Variants in NCKAP5 observed in about 807,000 individuals in gnomAD.
The protein encoded by NCKAP5 is NCK associated protein 5.
NCKAP5 carries 92 observed loss-of-function variants against 167.0 expected under a neutral mutation model. The ratio of observed to expected loss-of-function variants is 0.55; its 90% CI spans 0.47 to 0.66. The LOEUF is 0.66. Ranked by LOEUF, NCKAP5 falls within the 30% of genes least tolerant of loss-of-function variation. NCKAP5 has a pLI of 0.00. For synonymous variants in NCKAP5, 891 were observed against 877.4 expected, an observed-to-expected ratio of 1.02 and a Z score of -0.27; for missense variants, 2,378 against 2,315.0, an observed-to-expected ratio of 1.03 and a Z score of -0.56.
intron 2 of NCKAP5, among the ~76,000 whole-genome samples, chr2:133,520,439 C>T (rs1684378704): frequency 6.6e-6 from 1 of 152,180 alleles, no homozygotes; most frequent in East Asian, 1.9e-4. Context: ...GCTTCCACTG[C>T]TTACTCTATA....
At chr2:133,247,176 T>C (rs1028113551) in intron 4 of NCKAP5, among the ~76,000 whole-genome samples, 1 of 152,188 alleles carries the variant, frequency 6.6e-6, no homozygotes, top group Admixed American at 6.5e-5. Flanking sequence ...ATCAAATAAC[T>C]GGCAATTTGG....
At chr2:132,803,011 T>C (rs1025416077) in intron 11 of NCKAP5, among the ~76,000 whole-genome samples, 11 of 152,210 alleles carry the variant, frequency 7.2e-5, no homozygotes, top group African/African-American at 2.4e-5. Flanking sequence ...ATTACATAAC[T>C]GAGTATTATA....
chr2:133,196,426 C>T (rs1031990131), intron 5 of NCKAP5, among the ~76,000 whole-genome samples: 29 of 152,172 alleles, frequency 1.9e-4, no homozygotes, highest in Admixed American at 1.7e-3. Context: ...AGTAAGAGAA[C>T]TGAGGCACAC....
intron 16 of NCKAP5, among the ~76,000 whole-genome samples, chr2:132,762,726 C>G (rs1220509053): frequency 6.6e-6 from 1 of 152,252 alleles, no homozygotes; most frequent in Non-Finnish European, 1.5e-5. Context: ...TACCACTTCT[C>G]AGTTCCATGG....
chr2:132,674,940 A>G (rs1264795014), intron 19 of NCKAP5, among the ~76,000 whole-genome samples: 2 of 152,214 alleles, frequency 1.3e-5, no homozygotes, highest in Non-Finnish European at 2.9e-5. Flanking sequence ...AAGTGGCTCC[A>G]TAATTAGAAA....
At chr2:133,537,507 G>A (rs1159693624) in intron 2 of NCKAP5, among the ~76,000 whole-genome samples, 2 of 151,964 alleles carry the variant, frequency 1.3e-5, no homozygotes, top group African/African-American at 4.8e-5. Context: ...TACAACTCTT[G>A]TACTTCATTT....
intron 5 of NCKAP5, among the ~76,000 whole-genome samples, chr2:133,191,421 G>A (rs2085213477): frequency 6.6e-6 from 1 of 152,098 alleles, no homozygotes; most frequent in African/African-American, 2.4e-5. Flanking sequence ...TCCCATTACT[G>A]GGTGTATACC....
At chr2:133,514,829 C>T (rs1683845092) in intron 3 of NCKAP5, among the ~76,000 whole-genome samples, 1 of 151,946 alleles carries the variant, frequency 6.6e-6, no homozygotes, top group South Asian at 2.1e-4. Context: ...GTAATCCTAG[C>T]GTGTGAGCTC....
chr2:133,339,632 C>A (rs956925700), intron 3 of NCKAP5, among the ~76,000 whole-genome samples: 12 of 152,080 alleles, frequency 7.9e-5, no homozygotes, highest in African/African-American at 2.4e-4. Flanking sequence ...CTCCTTGATA[C>A]CAATGGGGAA....
chr2:132,987,083 CT>C (rs952057995), intron 7 of NCKAP5, among the ~76,000 whole-genome samples: 1 of 152,146 alleles, frequency 6.6e-6, no homozygotes, highest in African/African-American at 2.4e-5. Flanking sequence ...AAACTGCATG[CT>C]TTTTGCCAGC....
At chr2:132,802,274 T>C (rs1323948825) in intron 11 of NCKAP5, among the ~76,000 whole-genome samples, 1 of 152,222 alleles carries the variant, frequency 6.6e-6, no homozygotes, top group Non-Finnish European at 1.5e-5. Flanking sequence ...GACCTGGCCA[T>C]GTTTAGGGAT....
intron 11 of NCKAP5, among the ~76,000 whole-genome samples, chr2:132,840,838 G>T (rs1409927190): frequency 2.2e-4 from 34 of 151,826 alleles, no homozygotes; most frequent in Admixed American, 2.2e-3. Context: ...TCTAGGCTTT[G>T]TGGTTCACCT....
intron 3 of NCKAP5, among the ~76,000 whole-genome samples, chr2:133,310,318 C>G (rs546668803): frequency 2.6e-5 from 4 of 152,172 alleles, no homozygotes; most frequent in Non-Finnish European, 2.9e-5. Flanking sequence ...GATCCATCCT[C>G]CCACCGCCAT....
intron 3 of NCKAP5, among the ~76,000 whole-genome samples, chr2:133,508,811 T>C (rs550329533): frequency 2.0e-5 from 3 of 152,380 alleles, no homozygotes; most frequent in East Asian, 1.9e-4. Context: ...AAACAGATCT[T>C]GGAGCCCTAA....
At chr2:133,541,751 T>C (rs1033447694) in intron 2 of NCKAP5, among the ~76,000 whole-genome samples, 1 of 151,830 alleles carries the variant, frequency 6.6e-6, no homozygotes, top group Non-Finnish European at 1.5e-5. Context: ...CTACATGATA[T>C]TGACTAAGAA....
rs113579483 is a variant in NCKAP5 at position 133,307,543 on chromosome 2, T to C, written c.70-4433A>G. On this transcript the variant is annotated intron_variant, in intron 3 of 19. Transcript: ENST00000409261. Reference sequence around the variant, plus strand: ...AAAGGGGGACTTGTTTGAATGCTTATAGCTCAACAAGGAGCAAAACCACAT... The same window carrying C: ...AAAGGGGGACTTGTTTGAATGCTTACAGCTCAACAAGGAGCAAAACCACAT... Among the ~76,000 whole-genome samples, 195 of 152,294 alleles carry C rather than the reference T, an allele frequency of 1.3e-3. 1 individual carries two copies. Among genetic ancestry groups the C allele is most frequent in the African/African-American group, 4.4e-3 (181 of 41,546 alleles).
intron 3 of NCKAP5, among the ~76,000 whole-genome samples, chr2:133,315,625 G>C (rs1681548521): frequency 6.7e-6 from 1 of 149,598 alleles, no homozygotes; most frequent in Non-Finnish European, 1.5e-5. Flanking sequence ...CTTGGAGGTT[G>C]AGAGGAGAAA....
chr2:133,370,831 T>C (rs2289075), intron 3 of NCKAP5, among the ~76,000 whole-genome samples: 45,250 of 151,782 alleles, frequency 0.3, 7,404 homozygotes, highest in African/African-American at 0.43. Flanking sequence ...AGATTTCCTT[T>C]GGTTTACTCT....
intron 6 of NCKAP5, among the ~76,000 whole-genome samples, chr2:133,063,578 G>A (rs2080084986): frequency 6.6e-6 from 1 of 152,144 alleles, no homozygotes; most frequent in Non-Finnish European, 1.5e-5. Flanking sequence ...TCTGTGACTA[G>A]CACAAAGAAA....
Sources: allele counts gnomAD v4.1 joint callset (sites outside exome capture counted in the v4.1 genomes callset), GRCh38; gene constraint gnomAD v4.1.1; transcripts MANE v1.5; gene names NCBI Gene and HGNC (gene_info 2026-07-23, HGNC 2026-07-21).